The following ADAMTS18 variants were observed in gnomAD, a reference collection of about 807,000 sequenced individuals.
ADAMTS18 encodes A disintegrin and metalloproteinase with thrombospondin motifs 18.
In ADAMTS18, 157 loss-of-function variants were observed where a neutral mutation model predicts 165.9. The observed-to-expected ratio is 0.95, with a 90% CI of 0.83 to 1.08. The LOEUF is 1.08. ADAMTS18 is among the 50% of genes least tolerant of loss of function. The pLI is 0.00. For missense variants in ADAMTS18, 2,040 were observed against 1,534.0 expected (o/e 1.33, Z -5.51); for synonymous variants, 782 against 578.2 (o/e 1.35, Z -5.06).
chr16:77,431,284 G>T lies in ADAMTS18; in HGVS notation c.495+11C>A. The T allele has an allele frequency of 6.2e-7, 1 of 1,613,924 alleles. No homozygotes were observed. The highest frequency in any genetic ancestry group is 8.5e-7 in the Non-Finnish European group (1 of 1,179,896). On this transcript the variant is annotated intron_variant, in intron 3 of 22. Coordinates refer to ENST00000282849, the MANE Select transcript of ADAMTS18 (RefSeq NM_199355.4). Reference sequence around the variant, plus strand: ...AAAGAGGGAGCTCAACTCAGACTGGGGTGTACTTACCAAGCCAGCACACGT... The same window carrying T: ...AAAGAGGGAGCTCAACTCAGACTGGTGTGTACTTACCAAGCCAGCACACGT...
intron 4 of ADAMTS18, among the ~76,000 whole-genome samples, chr16:77,364,877 G>A (rs1434752866): frequency 1.3e-5 from 2 of 152,088 alleles, no homozygotes; most frequent in African/African-American, 4.8e-5. Context: ...ACGCAAAGGT[G>A]GGTGGATCAC....
intron 3 of ADAMTS18, among the ~76,000 whole-genome samples, chr16:77,394,228 G>C (rs1344679773): frequency 6.6e-6 from 1 of 152,186 alleles, no homozygotes; most frequent in Admixed American, 6.5e-5. Context: ...GTCCATTTAA[G>C]TGTGTTTGTT....
Position 77,374,859 on chromosome 16 carries a change from G to T in ADAMTS18, c.496-7136C>A, listed in dbSNP as rs536423736. 7.9e-5 allele frequency among the ~76,000 whole-genome samples: 12 copies of T among 152,084 alleles called. 1 individual carries two copies. The East Asian group carries it at 2.3e-3, about 29-fold the overall frequency. On this transcript the variant is annotated intron_variant, in intron 3 of 22. Transcript: ENST00000282849. ...GAGTGACAAGGACAAAAATCTAGAA[G>T]AATTCTTTATAACAAAACAAGAATT...
chr16:77,333,844 A>AATATAGTATACTATTATACTATATTAT (rs2056230952), intron 12 of ADAMTS18, among the ~76,000 whole-genome samples: 3 of 143,492 alleles, frequency 2.1e-5, no homozygotes, highest in African/African-American at 7.7e-5. Context: ...TTAATAGTAT[A>AATATAGTATACTATTATACTATATTAT]ATATAGTATA....
At chr16:77,413,805 C>T in intron 3 of ADAMTS18, among the ~76,000 whole-genome samples, 1 of 57,010 alleles carries the variant, frequency 1.8e-5, no homozygotes, top group South Asian at 4.4e-4. Flanking sequence ...AGGTTTCCAT[C>T]TGAAAAAAAA....
Position 77,291,406 on chromosome 16 carries a change from G to T in ADAMTS18, c.3262C>A (p.Leu1088Met), listed in dbSNP as rs145823665. ...KCSEKGFQGK[L>M]ITFPERRCRN... Reference sequence around the variant, plus strand: ...CATCTTCGCTCTGGGAAAGTTATCAGCTTTCCCTGGAAGCCCTTCTCGCTG... The same window carrying T: ...CATCTTCGCTCTGGGAAAGTTATCATCTTTCCCTGGAAGCCCTTCTCGCTG... Residue 1088 changes from leucine to methionine, a missense_variant, in exon 21 of 23, where the codon CTG becomes ATG. Leu to Met is a conservative substitution (Grantham distance 15). Transcript: ENST00000282849. 273 of 1,614,160 alleles carry T rather than the reference G, an allele frequency of 1.7e-4. 1 individual carries two copies. The African/African-American group carries it at 2.9e-3, about 17-fold the overall frequency.
At chr16:77,411,731 G>A (rs1007237766) in intron 3 of ADAMTS18, among the ~76,000 whole-genome samples, 1 of 133,120 alleles carries the variant, frequency 7.5e-6, no homozygotes, top group African/African-American at 2.9e-5. Context: ...CTGTCACCTG[G>A]GCTGGAGTGC....
At chr16:77,369,847 T>C (rs924204324) in intron 3 of ADAMTS18, among the ~76,000 whole-genome samples, 4 of 152,156 alleles carry the variant, frequency 2.6e-5, no homozygotes, top group African/African-American at 9.7e-5. Context: ...AACAAAATAC[T>C]AGCAAACCAA....
intron 3 of ADAMTS18, among the ~76,000 whole-genome samples, chr16:77,416,198 G>A (rs1014826826): frequency 1.3e-5 from 2 of 152,164 alleles, no homozygotes; most frequent in Non-Finnish European, 2.9e-5. Flanking sequence ...ATACCTGGGG[G>A]AAGAGCATTC....
At chr16:77,350,296 A>C (rs2056537388) in intron 10 of ADAMTS18, among the ~76,000 whole-genome samples, 1 of 152,160 alleles carries the variant, frequency 6.6e-6, no homozygotes, top group Admixed American at 6.6e-5. Context: ...TGGTTGGGAA[A>C]GGAGGGGAGG....
rs759982012 is a variant in ADAMTS18 at position 77,367,438 on chromosome 16, T to C, written c.778+3A>G. ...CAGAAAAAGAAAAAGTTTCCTTACATACATTTCTTGCGTCGTCCACAAAAA... is the reference window on the plus strand; with the variant it reads ...CAGAAAAAGAAAAAGTTTCCTTACACACATTTCTTGCGTCGTCCACAAAAA... On this transcript the variant is annotated splice_donor_region_variant and intron_variant, in intron 4 of 22. Transcript: ENST00000282849. The C allele has an allele frequency of 1.9e-6, 3 of 1,614,176 alleles. No individual in the cohort carries two copies. The highest frequency in any genetic ancestry group is 1.7e-6 in the Non-Finnish European group (2 of 1,180,028).
At chr16:77,398,888 G>A (rs950827952) in intron 3 of ADAMTS18, among the ~76,000 whole-genome samples, 1 of 152,172 alleles carries the variant, frequency 6.6e-6, no homozygotes, top group African/African-American at 2.4e-5. Context: ...TATGCACCTA[G>A]ATGTTTGGGT....
Position 77,322,334 on chromosome 16 carries a change from A to C in ADAMTS18, c.2163+2T>G. The C allele has an allele frequency of 6.2e-7, 1 of 1,613,992 alleles. No homozygotes were observed. The highest frequency in any genetic ancestry group is 8.5e-7 in the Non-Finnish European group (1 of 1,179,924). On this transcript the variant is annotated splice_donor_variant, in intron 14 of 22. Coordinates refer to ENST00000282849, the MANE Select transcript of ADAMTS18 (RefSeq NM_199355.4). LOFTEE classifies it high-confidence loss of function. ...CACTCCAAAGCAGAAACGTTCTCTT[A>C]CTTCACAAACCCCGTCAATACAAAC...
chr16:77,314,198 T>C (rs2055837155), intron 16 of ADAMTS18, among the ~76,000 whole-genome samples: 1 of 152,166 alleles, frequency 6.6e-6, no homozygotes, highest in Non-Finnish European at 1.5e-5. Flanking sequence ...GGGAGTTAAC[T>C]CAACGATCAA....
intron 22 of ADAMTS18, among the ~76,000 whole-genome samples, chr16:77,287,013 C>T (rs2055266447): frequency 6.6e-6 from 1 of 152,138 alleles, no homozygotes; most frequent in Non-Finnish European, 1.5e-5. Flanking sequence ...GGGCAGGGAT[C>T]TGGGGGACAA....
chr16:77,387,162 G>T (rs956089258), intron 3 of ADAMTS18, among the ~76,000 whole-genome samples: 1 of 152,224 alleles, frequency 6.6e-6, no homozygotes, highest in African/African-American at 2.4e-5. Context: ...AATGTATGCA[G>T]TGATTTCCAA....
chr16:77,411,420 T>C (rs1213817780), intron 3 of ADAMTS18, among the ~76,000 whole-genome samples: 1 of 152,220 alleles, frequency 6.6e-6, no homozygotes, highest in African/African-American at 2.4e-5. Context: ...GCTTGAGACA[T>C]ATTTCATGAG....
rs1305305078 is a variant in ADAMTS18, at chr16:77,355,933, G to C, written c.1460+7C>G. 3 of 1,613,846 alleles carry C rather than the reference G, an allele frequency of 1.9e-6. No homozygotes were observed. The African/African-American group carries it at 4.0e-5, about 22-fold the overall frequency. ...CTAGGAGCACCCCAGGATTTAACCT[G>C]TCATACCTGAGGAATTTCTTGAGAT... On this transcript the variant is annotated splice_region_variant and intron_variant, in intron 9 of 22. Coordinates refer to ENST00000282849, the MANE Select transcript of ADAMTS18 (RefSeq NM_199355.4).
At chr16:77,408,300 C>A (rs188727522) in intron 3 of ADAMTS18, among the ~76,000 whole-genome samples, 1 of 152,208 alleles carries the variant, frequency 6.6e-6, no homozygotes, top group East Asian at 1.9e-4. Flanking sequence ...ACATTTTCTA[C>A]CGAAGCTGAA....
Sources: allele counts gnomAD v4.1 joint callset (sites outside exome capture counted in the v4.1 genomes callset), GRCh38; gene constraint gnomAD v4.1.1; transcripts MANE v1.5; gene names NCBI Gene and HGNC (gene_info 2026-07-23, HGNC 2026-07-21).